The following EP400 variants were observed in gnomAD, a reference collection of about 807,000 sequenced individuals.
EP400 encodes E1A binding protein p400.
In EP400, 105 loss-of-function variants were observed where a neutral mutation model predicts 354.1. The observed-to-expected ratio is 0.30, with a 90% CI of 0.25 to 0.35. The LOEUF (loss-of-function observed/expected upper bound fraction) is 0.35. EP400 is among the 10% of genes least tolerant of loss of function. The probability of loss-of-function intolerance (pLI) is 1.00; values close to 1 mark genes in which losing one functional copy is unlikely to be tolerated. For missense variants in EP400, 3,280 were observed against 4,121.0 expected (o/e 0.80, Z 5.59); for synonymous variants, 1,646 against 1,716.9 (o/e 0.96, Z 1.02).
intron 2 of EP400, among the ~76,000 whole-genome samples, chr12:131,969,354 G>A (rs1383487823): frequency 6.6e-6 from 1 of 152,150 alleles, no homozygotes; most frequent in Non-Finnish European, 1.5e-5. Context: ...AGTTTGCAGA[G>A]TTTTGACAAG....
In EP400 at chr12:132,028,226, T is replaced by G; in HGVS notation, c.5319T>G (p.Ser1773Arg). 6.2e-7 allele frequency: 1 copy of G among 1,614,148 alleles called. No homozygotes were observed. The highest frequency in any genetic ancestry group is 8.5e-7 in the Non-Finnish European group (1 of 1,180,012). Residue 1773 changes from serine to arginine, a missense_variant, in exon 27 of 53, where the codon AGT becomes AGG. Physicochemically the swap from Ser to Arg is moderately radical, Grantham distance 110. Around this residue, in one of 20 missense-constraint regions of EP400, gnomAD observed 459 missense variants for 496.9 expected, o/e 0.92. Coordinates refer to ENST00000389561, the MANE Select transcript of EP400 (RefSeq NM_015409.5). ...PAHSYTSSSE[S>R]PSELMLTLCR... is the part of the protein sequence containing the mutation. ...ACAGTTACACTTCATCCTCAGAAAG[T>G]CCAAGTGAGCTGATGTTGACGCTTT... is the stretch of plus-strand genomic sequence containing the variant.
rs544141007 is a variant in EP400 at position 131,990,765 on chromosome 12, G to T, written c.2629+51G>T. On this transcript the variant is annotated intron_variant, in intron 9 of 52. Transcript: ENST00000389561. This position sits in a 1 kb window ranked among gnomAD's most constrained non-coding sequence, Gnocchi z 4.2. ...CCACGCTTGGGTGGTATTTTGTTCG[G>T]ATTCTTTTCTCAGCAGGCAGTCTCC... The T allele has an allele frequency of 1.2e-5, 17 of 1,399,274 alleles. No individual in the cohort carries two copies. The Admixed American group carries it at 2.3e-4, about 19-fold the overall frequency. 86.7% of individuals were successfully genotyped at this position (1,399,274 alleles called of 1,614,324 possible).
At chr12:132,045,976 G>C (rs1895083017) in intron 39 of EP400, 76 bp downstream of exon 39, 2 of 1,539,734 alleles carry the variant, frequency 1.3e-6, no homozygotes, top group Non-Finnish European at 8.8e-7. Context: ...TTCAGCTCCA[G>C]TCCTGCTCTT....
chr12:131,991,489 A>G (rs1328864729), intron 10 of EP400, 33 bp downstream of exon 10: 4 of 1,608,740 alleles, frequency 2.5e-6, no homozygotes, highest in African/African-American at 1.3e-5. Context: ...GCTGTGTGAG[A>G]AGGAGTAGAA....
Position 132,057,048 on chromosome 12 carries a change from G to A in EP400, c.7884+1840G>A, listed in dbSNP as rs554775087. ...CAGAAGGCTGGCAGTCATGGAAGCA[G>A]CGAGGACCCTCTCACAAGGTTGTGG... On this transcript the variant is annotated intron_variant, in intron 45 of 52. Transcript: ENST00000389561. Among the ~76,000 whole-genome samples, 128 of 152,336 alleles carry A rather than the reference G, an allele frequency of 8.4e-4. 1 individual carries two copies. The highest frequency in any genetic ancestry group is 3.6e-3 in the Admixed American group (55 of 15,300).
Position 132,062,142 on chromosome 12 carries a change from G to A in EP400, c.7917G>A (p.Val2639=), listed in dbSNP as rs1362250199. The A allele has an allele frequency of 1.2e-6, 2 of 1,613,680 alleles. No homozygotes were observed. Among genetic ancestry groups the A allele is most frequent in the Non-Finnish European group, 1.7e-6 (2 of 1,179,882 alleles). The change falls in exon 46 of 53, where the codon GTG becomes GTA. Residue 2639 remains valine, a synonymous_variant. Coordinates refer to ENST00000389561, the MANE Select transcript of EP400 (RefSeq NM_015409.5). ...GAGGCTCTGCTCCCGCCCAGGTGGTGCACACCCAGCCCCCGCCACGGGCAG... is the reference window on the plus strand; with the variant it reads ...GAGGCTCTGCTCCCGCCCAGGTGGTACACACCCAGCCCCCGCCACGGGCAG... The part of the protein sequence containing the change: ...TPGGSAPAQV[V]HTQPPPRAVG...
At position 132,038,001 on chromosome 12, in the gene EP400, G is replaced by A. The variant is rs1894773116; in HGVS notation, c.6112G>A (p.Gly2038Ser). 1 of 1,614,110 alleles carries A rather than the reference G, an allele frequency of 6.2e-7. No homozygotes were observed. Among genetic ancestry groups the A allele is most frequent in the Non-Finnish European group, 8.5e-7 (1 of 1,180,052 alleles). Reference sequence around the variant, plus strand: ...AGTTTATTCTCCCATGGATGATGCTGGCTTCCCGGTCAAAGCTGAGGAGTT... The same window carrying A: ...AGTTTATTCTCCCATGGATGATGCTAGCTTCCCGGTCAAAGCTGAGGAGTT... ...FEVYSPMDDA[G>S]FPVKAEEFVV... is the part of the protein sequence containing the mutation. Residue 2038 changes from glycine (G) to serine (S), a missense_variant, in exon 32 of 53, where the codon GGC (glycine) becomes AGC (serine). Gly to Ser is a moderately conservative substitution (Grantham distance 56). Around this residue, in one of 20 missense-constraint regions of EP400, gnomAD observed 60 missense variants for 109.9 expected, o/e 0.55. Transcript: ENST00000389561. The surrounding 1 kb of genome is among the most constrained non-coding windows in gnomAD (Gnocchi z 4.2).
intron 5 of EP400, 98 bp downstream of exon 5, chr12:131,982,576 A>G: frequency 6.9e-7 from 1 of 1,447,324 alleles, no homozygotes; most frequent in Non-Finnish European, 9.2e-7. Flanking sequence ...TAATTTGTGT[A>G]TTTTCTCTTA....
At position 132,006,866 on chromosome 12, in the gene EP400, C is replaced by T; in HGVS notation, c.3293C>T (p.Ala1098Val). The T allele has an allele frequency of 6.2e-7, 1 of 1,613,948 alleles. No individual in the cohort carries two copies. Among genetic ancestry groups the T allele is most frequent in the South Asian group, 1.1e-5 (1 of 91,004 alleles). The change falls in exon 15 of 53, where the codon GCT (alanine) becomes GTT (valine). Residue 1098 changes from alanine (A) to valine (V), a missense_variant. Ala to Val is a moderately conservative substitution (Grantham distance 64, BLOSUM62 0). Coordinates refer to ENST00000389561, the MANE Select transcript of EP400 (RefSeq NM_015409.5). ...ATCATTGCTTTTTTTGCCCACCTAGCTTGTAACGAAGGTAAGAGTTTGCTA... is the reference window on the plus strand; with the variant it reads ...ATCATTGCTTTTTTTGCCCACCTAGTTTGTAACGAAGGTAAGAGTTTGCTA... ...VQIIAFFAHL[A>V]CNEGNWGPHL...
chr12:131,952,685 C>G (rs1281275633), intron 1 of EP400, among the ~76,000 whole-genome samples: 2 of 152,136 alleles, frequency 1.3e-5, no homozygotes, highest in Admixed American at 6.6e-5. Context: ...TTCTTGGACT[C>G]AAGACATCCT....
At chr12:132,045,620 C>G in intron 38 of EP400, 60 bp downstream of exon 38, 10 of 1,605,396 alleles carry the variant, frequency 6.2e-6, no homozygotes, top group Non-Finnish European at 6.8e-6. Flanking sequence ...AACGCACGTC[C>G]GTGCATCCAG....
chr12:132,050,542 C>T lies in EP400; in HGVS notation c.7338-57C>T. 1 of 1,613,120 alleles carries T rather than the reference C, an allele frequency of 6.2e-7. No individual in the cohort carries two copies. On this transcript the variant is annotated intron_variant, in intron 40 of 52. Coordinates refer to ENST00000389561, the MANE Select transcript of EP400 (RefSeq NM_015409.5). The surrounding 1 kb of genome is among the most constrained non-coding windows in gnomAD (Gnocchi z 4.8). The stretch of plus-strand genomic sequence containing the variant: ...TTGGTTTTGATGTGTTTTTAACATA[C>T]CCTTCTTCAGATATTTCCTTTATTT...
At chr12:132,048,738 C>G (rs1895197637) in intron 39 of EP400, among the ~76,000 whole-genome samples, 1 of 152,000 alleles carries the variant, frequency 6.6e-6, no homozygotes, top group African/African-American at 2.4e-5. Flanking sequence ...GAGGAATGCC[C>G]TAAATTTCAC....
chr12:131,953,316 G>A (rs1019544500), intron 1 of EP400, among the ~76,000 whole-genome samples: 1 of 152,180 alleles, frequency 6.6e-6, no homozygotes, highest in African/African-American at 2.4e-5. Context: ...CTTATTATTT[G>A]GTGTTTGATG....
Position 132,021,256 on chromosome 12 carries a change from C to G in EP400, c.4625C>G (p.Ala1542Gly). The G allele has an allele frequency of 6.5e-7, 1 of 1,542,008 alleles. No homozygotes were observed. The highest frequency in any genetic ancestry group is 1.4e-5 in the African/African-American group (1 of 73,654). The change falls in exon 23 of 53, where the codon GCG (alanine) becomes GGG (glycine). Residue 1542 changes from alanine to glycine, a missense_variant. Physicochemically the swap from Ala to Gly is moderately conservative, Grantham distance 60. Around this residue, in one of 20 missense-constraint regions of EP400, gnomAD observed 342 missense variants for 342.7 expected, o/e 1.00. Coordinates refer to ENST00000389561, the MANE Select transcript of EP400 (RefSeq NM_015409.5). ...PPPQPQAPSH[A>G]AGQSALPQRL... ...CCCCAGCCCCAGGCCCCCTCGCACG[C>G]GGCCGGGCAGAGCGCGCTGCCTCAG...
In EP400 at chr12:131,993,403, A is replaced by C. The variant is rs1034415500; in HGVS notation, c.2737+1173A>C. Reference sequence around the variant, plus strand: ...GCCTTTCAGACAACAAGAGAAGCACAACAGAGTACAGTAGGTTTGTGTCTT... The same window carrying C: ...GCCTTTCAGACAACAAGAGAAGCACCACAGAGTACAGTAGGTTTGTGTCTT... On this transcript the variant is annotated intron_variant, in intron 11 of 52. Transcript: ENST00000389561. 5.3e-5 allele frequency among the ~76,000 whole-genome samples: 8 copies of C among 152,204 alleles called. No homozygotes were observed. In the East Asian group the frequency reaches 1.5e-3, roughly 29 times the overall value.
intron 2 of EP400, among the ~76,000 whole-genome samples, chr12:131,969,866 A>G (rs1892230644): frequency 6.6e-6 from 1 of 152,266 alleles, no homozygotes; most frequent in South Asian, 2.1e-4. Flanking sequence ...CCTGGCCAAC[A>G]TGGTGAAACA....
At chr12:132,065,840 G>T (rs1224898360) in intron 48 of EP400, 1 of 152,266 alleles carries the variant, frequency 6.6e-6, no homozygotes, top group Non-Finnish European at 1.5e-5. Flanking sequence ...TGGTAGCCAG[G>T]GTACCGGGTT....
Position 131,960,707 on chromosome 12 carries a change from GCCC to G in EP400, c.89_91del (p.Ala30_His31delinsAsp). On this transcript the variant is annotated inframe_deletion, in exon 2 of 53. Coordinates refer to ENST00000389561, the MANE Select transcript of EP400 (RefSeq NM_015409.5). The stretch of plus-strand genomic sequence containing the variant: ...TGGCAGCGAGGGTGAGGAGCAGCCG[GCCC>G]ACCCCAACCCACCCCCGTCCCCCGC... 1.5e-5 allele frequency: 23 copies of G among 1,545,408 alleles called. No individual in the cohort carries two copies. The highest frequency in any genetic ancestry group is 4.8e-5 in the East Asian group (2 of 41,772).
Sources: gnomAD v4.1 joint callset for allele counts (sites outside exome capture counted in the v4.1 genomes callset) on GRCh38, gnomAD v4.1.1 for gene constraint, gnomAD v4.1.1 regional missense constraint, Gnocchi (gnomAD v3.1) non-coding constraint, MANE v1.5 for transcripts, NCBI Gene and HGNC (gene_info 2026-07-23, HGNC 2026-07-21) for gene names.